Variants in SYT1 observed in about 807,000 individuals in gnomAD.
SYT1 encodes synaptotagmin-1.
A neutral mutation model predicts 44.8 loss-of-function variants in SYT1; 8 were observed. The ratio of observed to expected loss-of-function variants is 0.18; its 90% confidence interval spans 0.10 to 0.32. SYT1 has a LOEUF of 0.32. Among genes scored for constraint, SYT1 ranks in the 10% least tolerant of loss-of-function variants. The pLI is 1.00. For missense variants in SYT1, 286 were observed against 509.3 expected, an observed-to-expected ratio of 0.56 and a Z score of 4.22; for synonymous variants, 154 against 188.8, an observed-to-expected ratio of 0.82 and a Z score of 1.51.
Position 79,390,144 on chromosome 12 carries a change from A to G in SYT1, c.928+36525A>G, listed in dbSNP as rs187245664. On this transcript the variant is annotated intron_variant, in intron 9 of 10. Transcript: ENST00000261205. ...GAGACGGGGTTTCACTGTTTTAGCC[A>G]GGATGGTCTCGATCTCCTGACCTTG... Among the ~76,000 whole-genome samples, 171 of 152,152 alleles carry G rather than the reference A, an allele frequency of 1.1e-3. 1 individual carries two copies. Among genetic ancestry groups the G allele is most frequent in the Middle Eastern group, 6.8e-3 (2 of 294 alleles).
chr12:79,385,979 C>G (rs535853332), intron 9 of SYT1, among the ~76,000 whole-genome samples: 24 of 152,256 alleles, frequency 1.6e-4, no homozygotes, highest in Admixed American at 1.4e-3. Flanking sequence ...CTCAGGCTGG[C>G]CCACAGAAGG....
intron 3 of SYT1, among the ~76,000 whole-genome samples, chr12:79,067,646 C>T (rs953662727): frequency 6.6e-6 from 1 of 152,066 alleles, no homozygotes; most frequent in South Asian, 2.1e-4. Context: ...TGTAAGGAGA[C>T]CTTGTAATGC....
intron 9 of SYT1, among the ~76,000 whole-genome samples, chr12:79,414,445 T>C (rs1211166082): frequency 1.3e-5 from 2 of 152,150 alleles, no homozygotes; most frequent in Admixed American, 6.5e-5. Flanking sequence ...TCCTGAAGCA[T>C]AGCTCTCCCA....
intron 3 of SYT1, among the ~76,000 whole-genome samples, chr12:79,195,714 T>C (rs1873411392): frequency 6.6e-6 from 1 of 152,158 alleles, no homozygotes; most frequent in Admixed American, 6.5e-5. Flanking sequence ...TAGGAACAGA[T>C]TAAAAGATGC....
chr12:78,974,124 T>C (rs1007199007), intron 1 of SYT1, among the ~76,000 whole-genome samples: 16 of 150,662 alleles, frequency 1.1e-4, no homozygotes, highest in Non-Finnish European at 1.9e-4. Flanking sequence ...CTAGATGGTA[T>C]AGCCTATTGC....
chr12:78,992,673 C>T (rs1056643965), intron 2 of SYT1, among the ~76,000 whole-genome samples: 4 of 152,086 alleles, frequency 2.6e-5, no homozygotes, highest in African/African-American at 9.7e-5. Flanking sequence ...CTAAAAAATA[C>T]CACTCAAAGA....
rs1872320713 is a variant in SYT1 at position 79,179,460 on chromosome 12, T to TAGATATATAG, written c.-17-38042_-17-38041insGATATATAGA. ...TATCCATATAGATATAGATATAATCTATATAGATATAGATATAGAGATATA... is the reference window on the plus strand; with the variant it reads ...TATCCATATAGATATAGATATAATCTAGATATATAGATATAGATATAGATATAGAGATATA... On this transcript the variant is annotated intron_variant, in intron 3 of 10. Transcript: ENST00000261205. 3.8e-5 allele frequency among the ~76,000 whole-genome samples: 3 copies of TAGATATATAG among 78,418 alleles called. 1 individual carries two copies. Among genetic ancestry groups the TAGATATATAG allele is most frequent in the African/African-American group, 1.8e-4 (3 of 16,434 alleles). 51.4% of individuals were successfully genotyped at this position (78,418 alleles called of 152,430 possible).
intron 1 of SYT1, among the ~76,000 whole-genome samples, chr12:78,950,788 T>C (rs1376851404): frequency 6.6e-6 from 1 of 152,068 alleles, no homozygotes; most frequent in African/African-American, 2.4e-5. Flanking sequence ...AAATCTCTGA[T>C]TTGCTTTTCT....
intron 8 of SYT1, among the ~76,000 whole-genome samples, chr12:79,317,301 C>G (rs1215166977): frequency 6.6e-6 from 1 of 152,184 alleles, no homozygotes; most frequent in Non-Finnish European, 1.5e-5. Flanking sequence ...GAATAATTCC[C>G]TGTCAGCCTA....
intron 1 of SYT1, among the ~76,000 whole-genome samples, chr12:78,883,181 T>C (rs1874551610): frequency 6.6e-6 from 1 of 151,664 alleles, no homozygotes; most frequent in Non-Finnish European, 1.5e-5. Context: ...CAGTGAACAA[T>C]TGATGTTTAT....
chr12:78,944,102 T>A (rs1270129849), intron 1 of SYT1, among the ~76,000 whole-genome samples: 1 of 151,938 alleles, frequency 6.6e-6, no homozygotes, highest in Non-Finnish European at 1.5e-5. Flanking sequence ...TTTATTCTTA[T>A]AAAGATTTCA....
chr12:79,237,213 A>G (rs1876240919), intron 4 of SYT1, among the ~76,000 whole-genome samples: 1 of 152,218 alleles, frequency 6.6e-6, no homozygotes, highest in African/African-American at 2.4e-5. Flanking sequence ...AGAAAATGAA[A>G]TATAATTTCA....
intron 9 of SYT1, among the ~76,000 whole-genome samples, chr12:79,431,289 A>G (rs930168021): frequency 6.6e-6 from 1 of 152,164 alleles, no homozygotes; most frequent in African/African-American, 2.4e-5. Context: ...CTTCTCAGAG[A>G]CAGAGCAGTG....
rs749278769 is a variant in SYT1, at chr12:79,217,527, G to A, written c.8G>A (p.Ser3Asn). The change falls in exon 4 of 11, where the codon AGC becomes AAC. Residue 3 changes from serine to asparagine, a missense_variant. By Grantham distance (46) the Ser-to-Asn change is conservative. This residue lies in a region of SYT1 where 141 missense variants were observed against 165.7 expected (regional missense o/e 0.85). Coordinates refer to ENST00000261205, the MANE Select transcript of SYT1 (RefSeq NM_005639.3). ...GCTTCACCTGAACCTAAAATGGTGA[G>A]CGAGAGTCACCATGAGGCCCTGGCA... Reference protein sequence around the residue: MVSESHHEALAAP... With the variant: MVNESHHEALAAP... 6.3e-7 allele frequency: 1 copy of A among 1,594,716 alleles called. No individual in the cohort carries two copies.
chr12:79,194,770 C>T (rs1306366362), intron 3 of SYT1, among the ~76,000 whole-genome samples: 1 of 152,078 alleles, frequency 6.6e-6, no homozygotes, highest in East Asian at 1.9e-4. Flanking sequence ...CAACCAGCTA[C>T]ATTTTTTAAT....
intron 8 of SYT1, among the ~76,000 whole-genome samples, chr12:79,323,948 C>CTTTTTTTTTT (rs56962075): frequency 1.8e-5 from 2 of 112,622 alleles, no homozygotes; most frequent in African/African-American, 3.3e-5. Context: ...TTTCTATTTT[C>CTTTTTTTTTT]TTTTTTTTTT....
intron 1 of SYT1, among the ~76,000 whole-genome samples, chr12:78,907,744 CT>C (rs1242987205): frequency 6.6e-6 from 1 of 151,992 alleles, no homozygotes; most frequent in Non-Finnish European, 1.5e-5. Context: ...ATGAAGCTAC[CT>C]TTTATTTTGT....
intron 2 of SYT1, among the ~76,000 whole-genome samples, chr12:78,981,124 TG>T (rs1219067450): frequency 2.0e-4 from 29 of 147,142 alleles, no homozygotes; most frequent in African/African-American, 5.4e-4. Context: ...TTTGTTTCTT[TG>T]TTTTTTTTTT....
chr12:78,879,994 T>C (rs1874369402), intron 1 of SYT1, among the ~76,000 whole-genome samples: 1 of 151,826 alleles, frequency 6.6e-6, no homozygotes. Context: ...TCAGGGAAGA[T>C]ATTTTTGACT....
Sources: gnomAD v4.1 joint callset for allele counts (sites outside exome capture counted in the v4.1 genomes callset) on GRCh38, gnomAD v4.1.1 for gene constraint, gnomAD v4.1.1 regional missense constraint, MANE v1.5 for transcripts, NCBI Gene and HGNC (gene_info 2026-07-23, HGNC 2026-07-21) for gene names.